The following ZNF775 variants were observed in gnomAD, a reference collection of about 807,000 sequenced individuals.
The protein encoded by ZNF775 is zinc finger protein 775.
A neutral mutation model predicts 2.4 loss-of-function variants in ZNF775; 1 was observed. The ratio of observed to expected loss-of-function variants is 0.41; its 90% CI spans 0.15 to 1.94. The LOEUF (loss-of-function observed/expected upper bound fraction) is 1.94, where lower values mean the gene tolerates loss of function less well. ZNF775 is among the 30% of genes most tolerant of loss of function. ZNF775 has a pLI of 0.30. For synonymous variants in ZNF775, 381 were observed against 373.3 expected (o/e 1.02, Z -0.24); for missense variants, 823 against 826.6 (o/e 1.00, Z 0.05).
chr7:150,393,079 A>C (rs1308740343), intron 2 of ZNF775, among the ~76,000 whole-genome samples: 1 of 152,114 alleles, frequency 6.6e-6, no homozygotes, highest in Non-Finnish European at 1.5e-5. Context: ...CCGTATCACT[A>C]TTATAGTATC....
intron 1 of ZNF775, among the ~76,000 whole-genome samples, chr7:150,387,121 C>G (rs758381691): frequency 6.6e-6 from 1 of 151,862 alleles, no homozygotes; most frequent in Non-Finnish European, 1.5e-5. Context: ...ATGGTGAAAC[C>G]CTGTCTCTAC....
At chr7:150,380,484 G>C (rs1800342089) in intron 1 of ZNF775, among the ~76,000 whole-genome samples, 1 of 152,168 alleles carries the variant, frequency 6.6e-6, no homozygotes, top group Non-Finnish European at 1.5e-5. Context: ...GCTGTGCCTG[G>C]TGTGTCCAAA....
chr7:150,383,596 G>C (rs1316066755), intron 1 of ZNF775, among the ~76,000 whole-genome samples: 1 of 152,172 alleles, frequency 6.6e-6, no homozygotes, highest in African/African-American at 2.4e-5. Context: ...GCATGGGCTG[G>C]GACTGGAGAG....
chr7:150,391,944 C>T (rs1335149157), intron 2 of ZNF775, among the ~76,000 whole-genome samples: 5 of 152,020 alleles, frequency 3.3e-5, no homozygotes, highest in Non-Finnish European at 7.4e-5. Flanking sequence ...GAACTCCTGA[C>T]CTCAGGTGAT....
chr7:150,387,145 AT>A (rs1235696972), intron 1 of ZNF775, among the ~76,000 whole-genome samples: 2 of 151,968 alleles, frequency 1.3e-5, no homozygotes, highest in African/African-American at 4.8e-5. Flanking sequence ...AAATACAAAA[AT>A]TAGCTGGGTG....
intron 1 of ZNF775, among the ~76,000 whole-genome samples, chr7:150,381,742 G>C (rs1254772008): frequency 6.6e-6 from 1 of 152,126 alleles, no homozygotes. Context: ...TTCCACTATG[G>C]CCTGTTCTTT....
chr7:150,384,933 A>G lies in ZNF775; in HGVS notation c.-49-3489A>G, dbSNP rs577731175. ...TCTCGCTCTGTGGAGACCCAGGCCC[A>G]TCCTTCTGTCCTCCTGAATTTGTGG... On this transcript the variant is annotated intron_variant, in intron 1 of 2. Transcript: ENST00000329630. This position sits in a 1 kb window ranked among gnomAD's most constrained non-coding sequence, Gnocchi z 4.1. Among the ~76,000 whole-genome samples the G allele has an allele frequency of 2.0e-5, 3 of 152,170 alleles. No individual in the cohort carries two copies. The highest frequency in any genetic ancestry group is 4.1e-4 in the South Asian group (2 of 4,830).
rs1242576654 is a variant in ZNF775, at chr7:150,396,889, C to CTGCGGCAAG, written c.418_426dup (p.Cys140_Lys142dup). 3 of 1,602,754 alleles carry CTGCGGCAAG rather than the reference C, an allele frequency of 1.9e-6. No individual in the cohort carries two copies. The highest frequency in any genetic ancestry group is 2.5e-6 in the Non-Finnish European group (3 of 1,179,784). On this transcript the variant is annotated inframe_insertion, in exon 3 of 3. Coordinates refer to ENST00000329630, the MANE Select transcript of ZNF775 (RefSeq NM_173680.4). ...CCCACACCGGGGAGAAGCCGTACCT[C>CTGCGGCAAG]TGCGGCAAGTGCGGCAAGAGCTTCA...
chr7:150,390,866 A>G (rs1800548192), intron 2 of ZNF775, among the ~76,000 whole-genome samples: 1 of 152,204 alleles, frequency 6.6e-6, no homozygotes, highest in African/African-American at 2.4e-5. Flanking sequence ...TTTAATAAAC[A>G]CTGTCAGATC....
chr7:150,396,456 C>T lies in ZNF775; in HGVS notation c.32-57C>T, dbSNP rs972793504. On this transcript the variant is annotated intron_variant, in intron 2 of 2. Transcript: ENST00000329630. Reference sequence around the variant, plus strand: ...TCTCTCTTGCTCCTTCTCTCCATCCCACCCAGCGGAGCAGCAGTGACCTCT... The same window carrying T: ...TCTCTCTTGCTCCTTCTCTCCATCCTACCCAGCGGAGCAGCAGTGACCTCT... 4.0e-6 allele frequency: 6 copies of T among 1,499,880 alleles called. No individual in the cohort carries two copies. In the African/African-American group the frequency reaches 5.7e-5, roughly 14 times the overall value. The allele number at this position is 1,499,880 out of a possible 1,614,324, so 92.9% of individuals were successfully genotyped here.
intron 1 of ZNF775, among the ~76,000 whole-genome samples, chr7:150,385,699 C>T (rs1299603932): frequency 2.0e-5 from 3 of 152,194 alleles, no homozygotes; most frequent in Admixed American, 6.5e-5. Flanking sequence ...GCAGGCAGGT[C>T]GTCCTAAATT....
intron 1 of ZNF775, among the ~76,000 whole-genome samples, chr7:150,386,707 G>T (rs1009710068): frequency 6.6e-6 from 1 of 152,166 alleles, no homozygotes; most frequent in Non-Finnish European, 1.5e-5. Flanking sequence ...GCTCTGCTAG[G>T]GGGTACAGGT....
chr7:150,385,386 G>A (rs1210767553), intron 1 of ZNF775, among the ~76,000 whole-genome samples: 1 of 152,184 alleles, frequency 6.6e-6, no homozygotes, highest in African/African-American at 2.4e-5. Flanking sequence ...GCGCACCATG[G>A]ACAATCCCCC....
At position 150,398,597 on chromosome 7, in the gene ZNF775, C is replaced by G. The variant is rs180731552; in HGVS notation, c.*502C>G. 9.3e-5 allele frequency: 15 copies of G among 160,830 alleles called. No individual in the cohort carries two copies. Among genetic ancestry groups the G allele is most frequent in the African/African-American group, 3.6e-4 (15 of 41,756 alleles). The allele number at this position is 160,830 out of a possible 1,614,324, so 10.0% of individuals were successfully genotyped here. A position where few individuals can be genotyped will look rare whatever the true frequency, so the allele number is the denominator to read the frequency against. On this transcript the variant is annotated 3_prime_UTR_variant, in exon 3 of 3. Coordinates refer to ENST00000329630, the MANE Select transcript of ZNF775 (RefSeq NM_173680.4). ...CCCAGCACCAGGGCCACTGCTGGCA[C>G]GTCGTAGACATCCAATAAATATTTT... is the stretch of plus-strand genomic sequence containing the variant.
At position 150,382,706 on chromosome 7, in the gene ZNF775, G is replaced by A. The variant is rs1224110335; in HGVS notation, c.-50+3314G>A. On this transcript the variant is annotated intron_variant, in intron 1 of 2. Transcript: ENST00000329630. This position sits in a 1 kb window ranked among gnomAD's most constrained non-coding sequence, Gnocchi z 4.6. Reference sequence around the variant, plus strand: ...GCCGGACACAGGCTCATTGTCTCTAGGGCTTTCTGTCTTGCTGTAACGTCT... The same window carrying A: ...GCCGGACACAGGCTCATTGTCTCTAAGGCTTTCTGTCTTGCTGTAACGTCT... 1 of 152,434 alleles carries A rather than the reference G, an allele frequency of 6.6e-6. No homozygotes were observed. Among genetic ancestry groups the A allele is most frequent in the Non-Finnish European group, 1.5e-5 (1 of 68,224 alleles). 9.4% of individuals were successfully genotyped at this position (152,434 alleles called of 1,614,324 possible). A position where few individuals can be genotyped will look rare whatever the true frequency, so the allele number is the denominator to read the frequency against.
rs1036467261 is a variant in ZNF775 at position 150,397,278 on chromosome 7, G to A, written c.797G>A (p.Arg266Gln). ...CQGWWGQPGARAAVSGPEGPG... is the reference protein window; with the variant it reads ...CQGWWGQPGAQAAVSGPEGPG... ...GGCTGGTGGGGCCAGCCCGGGGCCC[G>A]GGCCGCGGTCTCCGGCCCCGAGGGG... The change falls in exon 3 of 3, where the codon CGG (arginine) becomes CAG (glutamine). Residue 266 changes from arginine (R) to glutamine (Q), a missense_variant. Physicochemically the swap from Arg to Gln is conservative, Grantham distance 43. Transcript: ENST00000329630. The A allele has an allele frequency of 7.4e-6, 11 of 1,479,984 alleles. No homozygotes were observed. The highest frequency in any genetic ancestry group is 7.3e-5 in the African/African-American group (5 of 68,586). 91.7% of individuals were successfully genotyped at this position (1,479,984 alleles called of 1,614,324 possible).
At position 150,396,694 on chromosome 7, in the gene ZNF775, T is replaced by C; in HGVS notation, c.213T>C (p.Ser71=). 1 of 1,605,614 alleles carries C rather than the reference T, an allele frequency of 6.2e-7. No homozygotes were observed. Among genetic ancestry groups the C allele is most frequent in the South Asian group, 1.1e-5 (1 of 89,684 alleles). The change falls in exon 3 of 3, where the codon AGT becomes AGC. Residue 71 remains serine, a synonymous_variant. Transcript: ENST00000329630. ...TGGGGGGACAGGAGGAGTCTGGGAG[T>C]CCAAGGTGGGCCCCTCCCACTGAGC... is the stretch of plus-strand genomic sequence containing the variant. ...RALGGQEESG[S]PRWAPPTEQD...
intron 2 of ZNF775, among the ~76,000 whole-genome samples, chr7:150,394,650 T>TCC (rs1032283776): frequency 1.5e-5 from 2 of 137,456 alleles, no homozygotes; most frequent in South Asian, 4.3e-4. Flanking sequence ...TCTCTCTCTC[T>TCC]CCCTCCCTCC....
chr7:150,393,229 A>C (rs1455104240), intron 2 of ZNF775, among the ~76,000 whole-genome samples: 1 of 152,080 alleles, frequency 6.6e-6, no homozygotes, highest in African/African-American at 2.4e-5. Context: ...AGTTGAAGTC[A>C]TACAGTGTGT....
Sources: allele counts gnomAD v4.1 joint callset (sites outside exome capture counted in the v4.1 genomes callset), GRCh38; gene constraint gnomAD v4.1.1; non-coding constraint Gnocchi (gnomAD v3.1); transcripts MANE v1.5; gene names NCBI Gene and HGNC (gene_info 2026-07-23, HGNC 2026-07-21).